Variants in CDH4 observed in about 807,000 individuals in gnomAD.
CDH4 encodes cadherin-4.
Under a neutral mutation model 86.0 loss-of-function variants are expected in CDH4, and 33 were observed. The observed-to-expected ratio is 0.38, with a 90% CI of 0.29 to 0.51. The LOEUF (loss-of-function observed/expected upper bound fraction) is 0.51, where lower values mean the gene tolerates loss of function less well. Ranked by LOEUF, CDH4 falls within the 20% of genes least tolerant of loss-of-function variation. The probability of loss-of-function intolerance (pLI) is 0.86; values close to 1 mark genes in which losing one functional copy is unlikely to be tolerated. For synonymous variants in CDH4, 555 were observed against 549.4 expected, an observed-to-expected ratio of 1.01 and a Z score of -0.14; for missense variants, 1,114 against 1,307.4, an observed-to-expected ratio of 0.85 and a Z score of 2.28.
chr20:61,570,616 T>G (rs2252560), intron 2 of CDH4: 535,549 of 701,598 alleles, frequency 0.76, 204,959 homozygotes, highest in African/African-American at 0.8. Flanking sequence ...CCTGGTGTGT[T>G]TGGGAATGGG....
At chr20:61,316,822 C>A (rs900697461) in intron 2 of CDH4, among the ~76,000 whole-genome samples, 184 of 152,204 alleles carry the variant, frequency 1.2e-3, no homozygotes, top group African/African-American at 4.3e-3. Flanking sequence ...GCCTGGCCAC[C>A]CTTTTTGTTT....
At chr20:61,734,514 G>A (rs937547098) in intron 2 of CDH4, among the ~76,000 whole-genome samples, 1 of 152,266 alleles carries the variant, frequency 6.6e-6, no homozygotes, top group Non-Finnish European at 1.5e-5. Flanking sequence ...GAGGTGCCCA[G>A]AGCCCCAGAC....
intron 2 of CDH4, among the ~76,000 whole-genome samples, chr20:61,511,626 T>C (rs574454050): frequency 6.6e-6 from 1 of 152,366 alleles, no homozygotes; most frequent in Non-Finnish European, 1.5e-5. Flanking sequence ...TCATAAAATA[T>C]GTGTATGCAT....
At chr20:61,745,916 C>T (rs2088408750) in intron 3 of CDH4, among the ~76,000 whole-genome samples, 1 of 152,186 alleles carries the variant, frequency 6.6e-6, no homozygotes, top group African/African-American at 2.4e-5. Context: ...AGATTTAATC[C>T]CCTGATCCTC....
At chr20:61,502,599 T>C (rs986438438) in intron 2 of CDH4, among the ~76,000 whole-genome samples, 3 of 152,214 alleles carry the variant, frequency 2.0e-5, no homozygotes, top group Admixed American at 1.3e-4. Flanking sequence ...GTGGAAAATC[T>C]TCCCTCTAAC....
At chr20:61,599,482 T>TCCTGACCCC (rs945663288) in intron 2 of CDH4, among the ~76,000 whole-genome samples, 2 of 152,152 alleles carry the variant, frequency 1.3e-5, no homozygotes, top group Admixed American at 6.5e-5. Flanking sequence ...AGGCCGACCC[T>TCCTGACCCC]CCTGACCCCC....
intron 6 of CDH4, among the ~76,000 whole-genome samples, chr20:61,863,062 G>C (rs145193135): frequency 6.6e-6 from 1 of 152,166 alleles, no homozygotes; most frequent in African/African-American, 2.4e-5. Context: ...TCAGTGATTT[G>C]AACAGAAAGC....
At chr20:61,440,887 T>A (rs75794349) in intron 2 of CDH4, among the ~76,000 whole-genome samples, 2,776 of 152,272 alleles carry the variant, frequency 0.018, 90 homozygotes, top group African/African-American at 0.063. Context: ...CGGTGGTAAG[T>A]TCTGGAAGTC....
Position 61,844,662 on chromosome 20 carries a change from T to C in CDH4, c.577-6T>C, listed in dbSNP as rs775997474. 6.2e-7 allele frequency: 1 copy of C among 1,608,096 alleles called. No individual in the cohort carries two copies. The highest frequency in any genetic ancestry group is 8.5e-7 in the Non-Finnish European group (1 of 1,175,564). On this transcript the variant is annotated splice_region_variant and splice_polypyrimidine_tract_variant and intron_variant, in intron 4 of 15. Transcript: ENST00000614565. ...AACCTCTTCTCGCTTTGCTCCTGCCTTTCAGATCCGGTCCGACAAAGACAA... is the reference window on the plus strand; with the variant it reads ...AACCTCTTCTCGCTTTGCTCCTGCCCTTCAGATCCGGTCCGACAAAGACAA...
At chr20:61,583,257 G>C (rs1278171577) in intron 2 of CDH4, among the ~76,000 whole-genome samples, 3 of 89,204 alleles carry the variant, frequency 3.4e-5, no homozygotes, top group African/African-American at 1.4e-4. Context: ...TCTGAGGAGG[G>C]ACAGAGGGCT....
intron 2 of CDH4, among the ~76,000 whole-genome samples, chr20:61,597,375 C>T (rs1288786370): frequency 6.6e-6 from 1 of 152,224 alleles, no homozygotes; most frequent in African/African-American, 2.4e-5. Flanking sequence ...TTGGGGTATA[C>T]AAGGATTGTG....
chr20:61,715,813 C>T (rs547993635), intron 2 of CDH4, among the ~76,000 whole-genome samples: 139 of 152,276 alleles, frequency 9.1e-4, no homozygotes, highest in Non-Finnish European at 1.5e-3. Flanking sequence ...TGCAGCTTGC[C>T]GGCCCAGGTC....
At chr20:61,430,173 C>T (rs1600971620) in intron 2 of CDH4, among the ~76,000 whole-genome samples, 1 of 152,238 alleles carries the variant, frequency 6.6e-6, no homozygotes, top group Non-Finnish European at 1.5e-5. Flanking sequence ...GGTGCCATCT[C>T]TCTTGCAACA....
At chr20:61,312,632 C>T (rs992181262) in intron 2 of CDH4, among the ~76,000 whole-genome samples, 3 of 152,150 alleles carry the variant, frequency 2.0e-5, no homozygotes, top group South Asian at 2.1e-4. Flanking sequence ...TGGCCCTCCT[C>T]GTGAGACCCT....
chr20:61,814,133 T>C, intron 4 of CDH4, among the ~76,000 whole-genome samples: 1 of 152,212 alleles, frequency 6.6e-6, no homozygotes, highest in East Asian at 1.9e-4. Context: ...ACCTTCCTGC[T>C]GAGTATGGTA....
Position 61,614,645 on chromosome 20 carries a change from G to A in CDH4, c.170-128918G>A, listed in dbSNP as rs374760205. 3.4e-4 allele frequency among the ~76,000 whole-genome samples: 51 copies of A among 152,226 alleles called. No homozygotes were observed. The South Asian group carries it at 8.9e-3, about 27-fold the overall frequency. ...TTCTGGACACCTAGTTTGGGTGTTG[G>A]AGAATTGGAGAATTGGTTGGTGTCA... On this transcript the variant is annotated intron_variant, in intron 2 of 15. Transcript: ENST00000614565.
intron 2 of CDH4, among the ~76,000 whole-genome samples, chr20:61,723,647 C>T (rs1045684127): frequency 6.6e-6 from 1 of 152,216 alleles, no homozygotes; most frequent in Non-Finnish European, 1.5e-5. Flanking sequence ...AGAGGGCTGA[C>T]AGGGAGAGGT....
intron 2 of CDH4, among the ~76,000 whole-genome samples, chr20:61,541,624 C>A (rs2086040147): frequency 6.6e-6 from 1 of 152,180 alleles, no homozygotes; most frequent in South Asian, 2.1e-4. Context: ...CCTGCCTTCT[C>A]CAGAAGCATC....
chr20:61,351,423 A>C (rs1162299022), intron 2 of CDH4, among the ~76,000 whole-genome samples: 1 of 152,162 alleles, frequency 6.6e-6, no homozygotes, highest in African/African-American at 2.4e-5. Flanking sequence ...AGATTTTGGC[A>C]TGCACGGTGG....
Sources: allele counts gnomAD v4.1 joint callset (sites outside exome capture counted in the v4.1 genomes callset), GRCh38; gene constraint gnomAD v4.1.1; transcripts MANE v1.5; gene names NCBI Gene and HGNC (gene_info 2026-07-23, HGNC 2026-07-21).